The following LRBA variants were observed in gnomAD, a reference collection of about 807,000 sequenced individuals.
LRBA encodes the protein LPS responsive beige-like anchor protein.
A neutral mutation model predicts 330.0 loss-of-function variants in LRBA; 176 were observed. The ratio of observed to expected loss-of-function variants is 0.53; its 90% CI spans 0.47 to 0.60. The LOEUF (loss-of-function observed/expected upper bound fraction) is 0.60, where lower values mean the gene tolerates loss of function less well. Ranked by LOEUF, LRBA falls within the 20% of genes least tolerant of loss-of-function variation. The pLI, the probability that LRBA is intolerant of heterozygous loss-of-function variation, is 0.00. For missense variants in LRBA, 3,259 were observed against 3,444.8 expected, an observed-to-expected ratio of 0.95 and a Z score of 1.35; for synonymous variants, 1,230 against 1,193.0, an observed-to-expected ratio of 1.03 and a Z score of -0.64.
chr4:150,886,458 C>A (rs1445091417), intron 17 of LRBA, among the ~76,000 whole-genome samples: 1 of 152,056 alleles, frequency 6.6e-6, no homozygotes, highest in Non-Finnish European at 1.5e-5. Context: ...TGGGACAAAC[C>A]CAAATCAGAA....
chr4:150,584,040 C>G, intron 40 of LRBA: 1 of 1,607,002 alleles, frequency 6.2e-7, no homozygotes. Context: ...CCCTGGAGAG[C>G]GCTGCCAAGC....
At chr4:150,815,136 T>C (rs557287887) in intron 31 of LRBA, among the ~76,000 whole-genome samples, 24 of 152,028 alleles carry the variant, frequency 1.6e-4, no homozygotes, top group African/African-American at 5.5e-4. Context: ...TACATTTGAT[T>C]TTGGATGTTA....
At chr4:150,687,026 C>T (rs951924210) in intron 36 of LRBA, among the ~76,000 whole-genome samples, 16 of 152,024 alleles carry the variant, frequency 1.1e-4, no homozygotes, top group African/African-American at 3.6e-4. Context: ...ATATAAATCA[C>T]ATTAAAGGGC....
At chr4:150,661,469 CAAAAAAAAAA>C (rs563120801) in intron 37 of LRBA, among the ~76,000 whole-genome samples, 1 of 64,972 alleles carries the variant, frequency 1.5e-5, no homozygotes, top group Non-Finnish European at 3.4e-5. Flanking sequence ...GACTCTGTCT[CAAAAAAAAAA>C]AAAAAAAAGA....
At chr4:150,804,641 G>A (rs1742272949) in intron 33 of LRBA, among the ~76,000 whole-genome samples, 1 of 152,108 alleles carries the variant, frequency 6.6e-6, no homozygotes, top group Admixed American at 6.5e-5. Context: ...AATACAGATG[G>A]GAGTGTCATT....
At chr4:150,278,611 C>T (rs1173345693) in intron 55 of LRBA, among the ~76,000 whole-genome samples, 31 of 152,182 alleles carry the variant, frequency 2.0e-4, no homozygotes, top group Admixed American at 2.0e-3. Flanking sequence ...CTAGGCTGTG[C>T]CCCTCTGTCC....
intron 46 of LRBA, among the ~76,000 whole-genome samples, chr4:150,429,234 T>G (rs1750048011): frequency 6.6e-6 from 1 of 151,778 alleles, no homozygotes; most frequent in Non-Finnish European, 1.5e-5. Context: ...AAGGTGACAT[T>G]TGAGCAAAAA....
At chr4:150,992,611 G>A (rs1235649150) in intron 2 of LRBA, among the ~76,000 whole-genome samples, 1 of 152,218 alleles carries the variant, frequency 6.6e-6, no homozygotes, top group Non-Finnish European at 1.5e-5. Context: ...CCTAGAAAGA[G>A]ATACCTGGGG....
chr4:150,278,711 C>A (rs1747128977), intron 55 of LRBA, among the ~76,000 whole-genome samples: 1 of 152,190 alleles, frequency 6.6e-6, no homozygotes, highest in Non-Finnish European at 1.5e-5. Flanking sequence ...GCCTGCGGGC[C>A]AAGTGCAGCC....
At chr4:150,713,817 T>C (rs1582124632) in intron 36 of LRBA, among the ~76,000 whole-genome samples, 1 of 152,208 alleles carries the variant, frequency 6.6e-6, no homozygotes, top group Non-Finnish European at 1.5e-5. Flanking sequence ...GAGACACTTT[T>C]ATTAAATCGA....
chr4:150,588,281 T>C, intron 39 of LRBA, 97 bp from the exon 40 acceptor site: 1 of 1,276,824 alleles, frequency 7.8e-7, no homozygotes, highest in Admixed American at 2.5e-5. Flanking sequence ...CATTCTCACG[T>C]CTAGTACTGA....
At chr4:150,527,317 C>T (rs1387969415) in intron 40 of LRBA, among the ~76,000 whole-genome samples, 1 of 152,144 alleles carries the variant, frequency 6.6e-6, no homozygotes, top group East Asian at 1.9e-4. Context: ...GAAGTACTGG[C>T]TGAACCAAGG....
chr4:150,897,646 C>A lies in LRBA; in HGVS notation c.2004+93G>T, dbSNP rs1231628982. On this transcript the variant is annotated intron_variant, in intron 15 of 56. Transcript: ENST00000651943. ...ATTTTCCAATGTGTAACCACAGTAA[C>A]CAAGCAAAGAATAAAAAAACCAAGA... is the stretch of plus-strand genomic sequence containing the variant. 20 of 874,092 alleles carry A rather than the reference C, an allele frequency of 2.3e-5. No individual in the cohort carries two copies. In the Admixed American group the frequency reaches 4.5e-4, roughly 20 times the overall value. 54.1% of individuals were successfully genotyped at this position (874,092 alleles called of 1,614,324 possible). A position where few individuals can be genotyped will look rare whatever the true frequency, so the allele number is the denominator to read the frequency against.
chr4:150,372,605 G>T (rs1483746931), intron 47 of LRBA, among the ~76,000 whole-genome samples: 2 of 144,136 alleles, frequency 1.4e-5, no homozygotes, highest in Non-Finnish European at 3.0e-5. Flanking sequence ...AAATCCAAAA[G>T]ATCTGGAGTC....
intron 2 of LRBA, among the ~76,000 whole-genome samples, chr4:150,999,926 C>A (rs1282111577): frequency 6.6e-6 from 1 of 152,088 alleles, no homozygotes; most frequent in Non-Finnish European, 1.5e-5. Context: ...CATTGCAAGA[C>A]CCCTAGTGGA....
intron 35 of LRBA, among the ~76,000 whole-genome samples, chr4:150,757,184 T>A (rs1256379712): frequency 2.6e-5 from 4 of 152,154 alleles, no homozygotes; most frequent in East Asian, 3.8e-4. Flanking sequence ...AAAATACCAA[T>A]AATTGAACTC....
intron 37 of LRBA, among the ~76,000 whole-genome samples, chr4:150,607,426 G>A (rs1347372552): frequency 3.3e-5 from 5 of 151,822 alleles, no homozygotes; most frequent in Admixed American, 6.6e-5. Context: ...ATCAAGGGCT[G>A]TAACAAGAGG....
At chr4:150,832,834 A>G (rs988235332) in intron 28 of LRBA, among the ~76,000 whole-genome samples, 4 of 152,082 alleles carry the variant, frequency 2.6e-5, no homozygotes, top group African/African-American at 7.2e-5. Flanking sequence ...CAATGACACA[A>G]TCATAGCTCA....
chr4:150,926,369 C>CA (rs1282629992), intron 4 of LRBA, among the ~76,000 whole-genome samples: 1 of 152,124 alleles, frequency 6.6e-6, no homozygotes, highest in East Asian at 1.9e-4. Flanking sequence ...CTCTAAGAGA[C>CA]ACGCCTGAAT....
Sources: allele counts gnomAD v4.1 joint callset (sites outside exome capture counted in the v4.1 genomes callset), GRCh38; gene constraint gnomAD v4.1.1; transcripts MANE v1.5; gene names NCBI Gene and HGNC (gene_info 2026-07-23, HGNC 2026-07-21).